Variants in DIAPH1 observed in about 807,000 individuals in gnomAD.
The protein encoded by DIAPH1 is protein diaphanous homolog 1.
Under a neutral mutation model 140.7 loss-of-function variants are expected in DIAPH1, and 46 were observed. The ratio of observed to expected loss-of-function variants is 0.33; its 90% CI spans 0.26 to 0.42. DIAPH1 has a LOEUF of 0.42. DIAPH1 is among the 10% of genes least tolerant of loss of function. The probability of loss-of-function intolerance (pLI) is 1.00; values close to 1 mark genes in which losing one functional copy is unlikely to be tolerated. For synonymous variants in DIAPH1, 565 were observed against 551.6 expected, an observed-to-expected ratio of 1.02 and a Z score of -0.34; for missense variants, 1,310 against 1,558.7, an observed-to-expected ratio of 0.84 and a Z score of 2.69.
At chr5:141,585,888 C>G (rs1238183192) in intron 3 of DIAPH1, among the ~76,000 whole-genome samples, 1 of 152,160 alleles carries the variant, frequency 6.6e-6, no homozygotes, top group Non-Finnish European at 1.5e-5. Flanking sequence ...AAAAAAATGA[C>G]CTAATTGGGG....
intron 19 of DIAPH1, among the ~76,000 whole-genome samples, chr5:141,532,272 A>G (rs1383354354): frequency 6.6e-6 from 1 of 152,132 alleles, no homozygotes; most frequent in Non-Finnish European, 1.5e-5. Flanking sequence ...CCTGGGCTCA[A>G]GTGATCCTTC....
At chr5:141,590,883 C>G (rs1394875406) in intron 1 of DIAPH1, among the ~76,000 whole-genome samples, 5 of 152,116 alleles carry the variant, frequency 3.3e-5, no homozygotes, top group African/African-American at 1.2e-4. Flanking sequence ...ACTCCAACAG[C>G]CTCCTAACTG....
At chr5:141,567,153 C>T (rs1357784217) in intron 18 of DIAPH1, among the ~76,000 whole-genome samples, 1 of 151,924 alleles carries the variant, frequency 6.6e-6, no homozygotes, top group Non-Finnish European at 1.5e-5. Flanking sequence ...TCTGGGGCTG[C>T]CTGTGGTAAG....
At chr5:141,603,952 G>A (rs1053275873) in intron 1 of DIAPH1, among the ~76,000 whole-genome samples, 2 of 152,158 alleles carry the variant, frequency 1.3e-5, no homozygotes, top group African/African-American at 2.4e-5. Context: ...GAAAGGCCAC[G>A]CTGGTATCAC....
chr5:141,556,066 A>C (rs1472143718), intron 18 of DIAPH1, among the ~76,000 whole-genome samples: 2 of 152,164 alleles, frequency 1.3e-5, no homozygotes, highest in Non-Finnish European at 2.9e-5. Context: ...CCATTTCAGA[A>C]GTGGGAGAAG....
chr5:141,571,826 T>A (rs760651506), intron 17 of DIAPH1, 100 bp downstream of exon 17: 6 of 884,190 alleles, frequency 6.8e-6, no homozygotes, highest in Non-Finnish European at 1.2e-5. Context: ...CAACATACCC[T>A]TTCTATCTTC....
In DIAPH1 at chr5:141,518,898, C is replaced by A. The variant is rs772758384; in HGVS notation, c.3662-1890G>T. On this transcript the variant is annotated intron_variant, in intron 27 of 27. Coordinates refer to ENST00000389054, the MANE Select transcript of DIAPH1 (RefSeq NM_005219.5). ...GCTACTGTTTTCATCCCAGGAGAGG[C>A]TGCCCATAGATCAAGCAGGGAACAC... is the stretch of plus-strand genomic sequence containing the variant. 5 of 1,535,024 alleles carry A rather than the reference C, an allele frequency of 3.3e-6. No homozygotes were observed. The South Asian group carries it at 4.8e-5, about 15-fold the overall frequency.
At position 141,516,811 on chromosome 5, in the gene DIAPH1, G is replaced by A; in HGVS notation, c.*40C>T. Reference sequence around the variant, plus strand: ...CACATGCTGCAGGGCAGGACAGTCTGCGGCTCCGCTGAGGAGCTGCCGCGG... The same window carrying A: ...CACATGCTGCAGGGCAGGACAGTCTACGGCTCCGCTGAGGAGCTGCCGCGG... On this transcript the variant is annotated 3_prime_UTR_variant, in exon 28 of 28. Coordinates refer to ENST00000389054, the MANE Select transcript of DIAPH1 (RefSeq NM_005219.5). 1 of 1,612,532 alleles carries A rather than the reference G, an allele frequency of 6.2e-7. No individual in the cohort carries two copies. Among genetic ancestry groups the A allele is most frequent in the South Asian group, 1.1e-5 (1 of 90,968 alleles).
chr5:141,557,567 CT>C (rs1259920045), intron 18 of DIAPH1, among the ~76,000 whole-genome samples: 1 of 151,898 alleles, frequency 6.6e-6, no homozygotes, highest in Non-Finnish European at 1.5e-5. Flanking sequence ...TTTTTTTCTT[CT>C]TTTTTTGGGG....
At chr5:141,535,009 C>T (rs756806950) in intron 18 of DIAPH1, among the ~76,000 whole-genome samples, 1 of 152,154 alleles carries the variant, frequency 6.6e-6, no homozygotes, top group Non-Finnish European at 1.5e-5. Context: ...ACTGCAGTGG[C>T]GCAATCATGG....
chr5:141,529,123 G>A (rs772108686), intron 21 of DIAPH1, 49 bp downstream of exon 21: 6 of 1,568,506 alleles, frequency 3.8e-6, no homozygotes, highest in East Asian at 4.5e-5. Context: ...CTAGAGGGGA[G>A]GGGAATACAG....
At chr5:141,538,712 C>T (rs552112440) in intron 18 of DIAPH1, among the ~76,000 whole-genome samples, 4 of 152,068 alleles carry the variant, frequency 2.6e-5, no homozygotes, top group African/African-American at 4.8e-5. Flanking sequence ...GGATAACAGG[C>T]GTGAGCCACC....
chr5:141,578,746 A>C, intron 9 of DIAPH1, 121 bp from the exon 10 acceptor site: 3 of 795,822 alleles, frequency 3.8e-6, no homozygotes, highest in Non-Finnish European at 4.2e-6. Flanking sequence ...AAAAACTCTA[A>C]AGATGACTTT....
chr5:141,571,650 G>A (rs2099895202), intron 17 of DIAPH1, among the ~76,000 whole-genome samples: 1 of 152,156 alleles, frequency 6.6e-6, no homozygotes, highest in South Asian at 2.1e-4. Context: ...ATCAAAATGG[G>A]CCCAAATCAA....
At chr5:141,551,137 A>C (rs2099891617) in intron 18 of DIAPH1, among the ~76,000 whole-genome samples, 1 of 152,204 alleles carries the variant, frequency 6.6e-6, no homozygotes, top group Non-Finnish European at 1.5e-5. Flanking sequence ...ACTGTACCGC[A>C]TTTATGGACC....
chr5:141,586,985 C>A, intron 3 of DIAPH1, 57 bp downstream of exon 3: 5 of 1,587,264 alleles, frequency 3.2e-6, no homozygotes, highest in Non-Finnish European at 4.3e-6. Context: ...CCAAAAAGAG[C>A]CCACCATGTC....
At chr5:141,594,072 T>C (rs567550241) in intron 1 of DIAPH1, among the ~76,000 whole-genome samples, 71 of 152,286 alleles carry the variant, frequency 4.7e-4, no homozygotes, top group African/African-American at 1.7e-3. Flanking sequence ...CTGGGATTTA[T>C]AGGCGTGAGC....
chr5:141,540,387 A>T lies in DIAPH1; in HGVS notation c.2483-5954T>A, dbSNP rs532235048. Among the ~76,000 whole-genome samples, 8 of 151,914 alleles carry T rather than the reference A, an allele frequency of 5.3e-5. No homozygotes were observed. In the South Asian group the frequency reaches 1.7e-3, roughly 32 times the overall value. ...AACCTACGCCTCCCGGGTTCAAGCG[A>T]TTCTTCTGTCTGAGCCTCCCAAGTA... On this transcript the variant is annotated intron_variant, in intron 18 of 27. Transcript: ENST00000389054.
rs2099887561 is a variant in DIAPH1 at position 141,527,568 on chromosome 5, G to A, written c.3273+5C>T. 1.2e-6 allele frequency: 2 copies of A among 1,613,408 alleles called. No individual in the cohort carries two copies. The highest frequency in any genetic ancestry group is 1.7e-5 in the Admixed American group (1 of 59,942). ...GAACAACTCCCTCCTTTCAAGAGAG[G>A]ATATGGTCATTTTTTCAACAAACTT... On this transcript the variant is annotated splice_donor_5th_base_variant and intron_variant, in intron 24 of 27. Transcript: ENST00000389054.
Sources: gnomAD v4.1 joint callset for allele counts (sites outside exome capture counted in the v4.1 genomes callset) on GRCh38, gnomAD v4.1.1 for gene constraint, MANE v1.5 for transcripts, NCBI Gene and HGNC (gene_info 2026-07-23, HGNC 2026-07-21) for gene names.